Variants in PAK6 observed in about 807,000 individuals in gnomAD.
The protein encoded by PAK6 is serine/threonine-protein kinase PAK 6.
Under a neutral mutation model 60.8 loss-of-function variants are expected in PAK6, and 33 were observed. The observed-to-expected ratio is 0.54, with a 90% CI of 0.41 to 0.73. PAK6 has a LOEUF of 0.73. PAK6 is among the 30% of genes least tolerant of loss of function. The probability of loss-of-function intolerance (pLI) is 0.00; values close to 1 mark genes in which losing one functional copy is unlikely to be tolerated. For missense variants in PAK6, 845 were observed against 904.1 expected, an observed-to-expected ratio of 0.93 and a Z score of 0.84; for synonymous variants, 404 against 378.5, an observed-to-expected ratio of 1.07 and a Z score of -0.78.
chr15:40,268,913 C>A (rs1017135097), intron 5 of PAK6, among the ~76,000 whole-genome samples: 1 of 152,174 alleles, frequency 6.6e-6, no homozygotes, highest in Non-Finnish European at 1.5e-5. Context: ...GGGCGTCCTG[C>A]GGGTTCCAGT....
At chr15:40,270,892 G>T (rs577671539) in intron 5 of PAK6, among the ~76,000 whole-genome samples, 1 of 152,154 alleles carries the variant, frequency 6.6e-6, no homozygotes, top group Non-Finnish European at 1.5e-5. Flanking sequence ...CTGAAGCTGC[G>T]GGGGGTCGGG....
At chr15:40,242,131 G>A (rs2038369821) in intron 2 of PAK6, among the ~76,000 whole-genome samples, 1 of 152,086 alleles carries the variant, frequency 6.6e-6, no homozygotes, top group Non-Finnish European at 1.5e-5. Context: ...GGCCAGGGCA[G>A]GCTGAGCAGG....
At chr15:40,252,824 C>G (rs1406838745) in intron 2 of PAK6, 5 of 1,290,074 alleles carry the variant, frequency 3.9e-6, no homozygotes, top group Non-Finnish European at 5.1e-6. Flanking sequence ...TGGGCGCAGG[C>G]ATCTGGAGCT....
At chr15:40,276,219 C>A in exon 11 of PAK6, 1 of 945,168 alleles carries the variant, frequency 1.1e-6, no homozygotes, top group Non-Finnish European at 1.6e-6. Context: ...TGTGAAGCCC[C>A]AGCCCCACCC....
At chr15:40,263,633 G>A (rs914543268) in intron 3 of PAK6, among the ~76,000 whole-genome samples, 11 of 152,106 alleles carry the variant, frequency 7.2e-5, no homozygotes, top group African/African-American at 2.4e-4. Context: ...TTTGTTTTTT[G>A]AGACAGAGTC....
intron 9 of PAK6, 160 bp from the exon 10 acceptor site, chr15:40,273,982 C>A: frequency 1.2e-6 from 1 of 820,478 alleles, no homozygotes; most frequent in Non-Finnish European, 2.0e-6. Flanking sequence ...CTCATGCAGG[C>A]AGTAACTGGC....
chr15:40,252,456 G>A (rs1336977072), intron 2 of PAK6: 2 of 1,361,378 alleles, frequency 1.5e-6, no homozygotes, highest in Non-Finnish European at 2.0e-6. Context: ...TCGGGCAGAG[G>A]GGCTCCTGGC....
Position 40,265,962 on chromosome 15 carries a change from C to T in PAK6, c.325C>T (p.Arg109Trp), listed in dbSNP as rs375852612. 205 of 1,604,364 alleles carry T rather than the reference C, an allele frequency of 1.3e-4. No individual in the cohort carries two copies. The highest frequency in any genetic ancestry group is 4.9e-4 in the Middle Eastern group (3 of 6,076). Residue 109 changes from arginine (R) to tryptophan (W), a missense_variant, in exon 5 of 11, where the codon CGG becomes TGG. Coordinates refer to ENST00000560346, the Ensembl canonical transcript of PAK6. ...GCGTGGCCGCAGCCCCACCAGCCGG[C>T]GGCGGGCACAGTCCCTGGGGCTGCT...
At chr15:40,272,264 C>T (rs1040558528) in exon 6 of PAK6, 2 of 1,613,530 alleles carry the variant, frequency 1.2e-6, no homozygotes, top group Non-Finnish European at 1.7e-6. Context: ...GACAACCCCC[C>T]AAGCCTGGTG....
intron 7 of PAK6, 112 bp downstream of exon 7, chr15:40,273,111 C>T (rs2039356512): frequency 7.1e-7 from 1 of 1,404,938 alleles, no homozygotes. Context: ...CCTGGGCTCC[C>T]CTGCCTGCTG....
At chr15:40,265,029 G>A in intron 4 of PAK6, 40 bp downstream of exon 4, 2 of 1,576,620 alleles carry the variant, frequency 1.3e-6, no homozygotes, top group Non-Finnish European at 1.7e-6. Context: ...GCCTCTCCCA[G>A]TACTCAGACA....
intron 2 of PAK6, among the ~76,000 whole-genome samples, chr15:40,243,849 C>G (rs77786868): frequency 6.6e-6 from 1 of 152,158 alleles, no homozygotes; most frequent in Non-Finnish European, 1.5e-5. Context: ...GATCGAGAGC[C>G]GGGCTGTGGC....
intron 2 of PAK6, among the ~76,000 whole-genome samples, chr15:40,247,580 G>A (rs1269413210): frequency 6.6e-6 from 1 of 152,140 alleles, no homozygotes; most frequent in African/African-American, 2.4e-5. Context: ...ATATATTCTC[G>A]TTGGCACAGG....
At chr15:40,257,207 C>T (rs566461896) in intron 3 of PAK6, 35 of 152,670 alleles carry the variant, frequency 2.3e-4, no homozygotes, top group African/African-American at 6.5e-4. Flanking sequence ...TCTTCCCAGT[C>T]GCCCGCAAAT....
At position 40,250,158 on chromosome 15, in the gene PAK6, T is replaced by A. The variant is rs141979482; in HGVS notation, c.-117-3020T>A. Among the ~76,000 whole-genome samples, 113 of 152,250 alleles carry A rather than the reference T, an allele frequency of 7.4e-4. 2 individuals carry two copies. The East Asian group carries it at 0.013, about 17-fold the overall frequency. On this transcript the variant is annotated intron_variant, in intron 2 of 10. Transcript: ENST00000560346. The stretch of plus-strand genomic sequence containing the variant: ...GTGCTGTTGTTCTGCCCTTTCCTCC[T>A]GGGCAGGGCTGAGCTGGGCACGGAT...
intron 2 of PAK6, among the ~76,000 whole-genome samples, chr15:40,244,262 C>T (rs1159265621): frequency 7.2e-6 from 1 of 138,836 alleles, no homozygotes; most frequent in East Asian, 2.5e-4. Context: ...ACCCAGGAGG[C>T]GGAGGTTGTA....
At chr15:40,253,690 G>A (rs570679946) in intron 3 of PAK6, among the ~76,000 whole-genome samples, 3 of 152,220 alleles carry the variant, frequency 2.0e-5, no homozygotes, top group East Asian at 1.9e-4. Flanking sequence ...GGAGGCAGCC[G>A]TGGGAGACTC....
At chr15:40,247,619 G>A (rs915376757) in intron 2 of PAK6, among the ~76,000 whole-genome samples, 9 of 152,178 alleles carry the variant, frequency 5.9e-5, no homozygotes, top group African/African-American at 1.7e-4. Context: ...GAACCTGAGG[G>A]AAAGGCAGGC....
intron 2 of PAK6, chr15:40,252,836 C>T (rs1288730232): frequency 1.6e-6 from 2 of 1,285,412 alleles, no homozygotes; most frequent in Non-Finnish European, 2.0e-6. Flanking sequence ...TCTGGAGCTC[C>T]GCGTCCCTGG....
Sources: allele counts gnomAD v4.1 joint callset (sites outside exome capture counted in the v4.1 genomes callset), GRCh38; gene constraint gnomAD v4.1.1; transcripts MANE v1.5; gene names NCBI Gene and HGNC (gene_info 2026-07-23, HGNC 2026-07-21).